EAPP: variants seen among roughly 807,000 people sequenced by gnomAD.
EAPP encodes the protein E2F associated phosphoprotein, also known as E2F-associated phosphoprotein.
A neutral mutation model predicts 34.3 loss-of-function variants in EAPP; 38 were observed. The observed-to-expected ratio is 1.11, with a 90% CI of 0.85 to 1.45. The LOEUF (loss-of-function observed/expected upper bound fraction) is 1.45. EAPP is among the 40% of genes most tolerant of loss of function. The pLI is 0.00. For missense variants in EAPP, 338 were observed against 343.7 expected (o/e 0.98, Z 0.13); for synonymous variants, 113 against 117.6 (o/e 0.96, Z 0.25).
chr14:34,528,051 T>TG (rs1880152464), intron 4 of EAPP, among the ~76,000 whole-genome samples: 1 of 151,232 alleles, frequency 6.6e-6, no homozygotes, highest in South Asian at 2.1e-4. Flanking sequence ...CTCAATTTTT[T>TG]TTTTTTTTTT....
intron 5 of EAPP, among the ~76,000 whole-genome samples, chr14:34,523,507 G>A (rs1029201319): frequency 6.8e-6 from 1 of 147,056 alleles, no homozygotes; most frequent in African/African-American, 2.5e-5. Flanking sequence ...TTACAGGCGT[G>A]AGCCACCACG....
chr14:34,524,682 T>TGTGTGTGTCC lies in EAPP; in HGVS notation c.581+14_581+15insGGACACACAC. 6.8e-7 allele frequency: 1 copy of TGTGTGTGTCC among 1,460,118 alleles called. No homozygotes were observed. The allele number at this position is 1,460,118 out of a possible 1,614,324, so 90.4% of individuals were successfully genotyped here. Reference sequence around the variant, plus strand: ...ATGTGTGTGTGTGTGTGTGTGTGTGTCCTTCATCCATTACCTTTGGCAATC... The same window carrying TGTGTGTGTCC: ...ATGTGTGTGTGTGTGTGTGTGTGTGTGTGTGTGTCCCCTTCATCCATTACCTTTGGCAATC... On this transcript the variant is annotated intron_variant, in intron 5 of 5. Transcript: ENST00000250454.
chr14:34,522,406 A>G (rs1020723390), intron 5 of EAPP, among the ~76,000 whole-genome samples: 10 of 152,116 alleles, frequency 6.6e-5, no homozygotes, highest in African/African-American at 2.2e-4. Flanking sequence ...GTGATATGTG[A>G]TATGTGATAA....
At chr14:34,529,638 G>A (rs1594666045) in intron 3 of EAPP, among the ~76,000 whole-genome samples, 163 bp from the exon 4 acceptor site, 2 of 152,296 alleles carry the variant, frequency 1.3e-5, no homozygotes, top group Middle Eastern at 3.4e-3. Context: ...CTAGCACTTT[G>A]GGAGGCCAAG....
At chr14:34,517,558 G>T (rs1879779753) in intron 5 of EAPP, among the ~76,000 whole-genome samples, 2 of 151,586 alleles carry the variant, frequency 1.3e-5, no homozygotes, top group Admixed American at 1.3e-4. Flanking sequence ...CTGATTCCTT[G>T]TATTTCTGTG....
Position 34,524,683 on chromosome 14 carries a change from C to A in EAPP, c.581+14G>T. On this transcript the variant is annotated intron_variant, in intron 5 of 5. Transcript: ENST00000250454. ...TGTGTGTGTGTGTGTGTGTGTGTGT[C>A]CTTCATCCATTACCTTTGGCAATCA... The A allele has an allele frequency of 1.7e-6, 1 of 602,722 alleles. No individual in the cohort carries two copies. The highest frequency in any genetic ancestry group is 2.7e-6 in the Non-Finnish European group (1 of 370,354). The allele number at this position is 602,722 out of a possible 1,614,324, so 37.3% of individuals were successfully genotyped here.
chr14:34,517,691 C>T (rs1879783754), intron 5 of EAPP, among the ~76,000 whole-genome samples: 1 of 151,824 alleles, frequency 6.6e-6, no homozygotes, highest in Admixed American at 6.6e-5. Context: ...AATCTTCTGG[C>T]TTGTTTGTTT....
At chr14:34,524,080 A>C (rs1050681342) in intron 5 of EAPP, among the ~76,000 whole-genome samples, 6 of 151,912 alleles carry the variant, frequency 3.9e-5, no homozygotes, top group Non-Finnish European at 8.8e-5. Context: ...ACATGGTGTG[A>C]CCCTGTCTCT....
chr14:34,537,632 T>C (rs534595025), intron 1 of EAPP, among the ~76,000 whole-genome samples: 2 of 152,356 alleles, frequency 1.3e-5, no homozygotes, highest in South Asian at 4.1e-4. Flanking sequence ...AAAGAGCAGA[T>C]GTATTTACTG....
chr14:34,530,075 C>G (rs568479652), intron 3 of EAPP, among the ~76,000 whole-genome samples: 2 of 151,850 alleles, frequency 1.3e-5, no homozygotes, highest in African/African-American at 4.8e-5. Flanking sequence ...TGGCAGGCAC[C>G]TACAATCCCA....
rs1276096966 is a variant in EAPP at position 34,531,859 on chromosome 14, A to C, written c.352+1585T>G. 3.4e-5 allele frequency among the ~76,000 whole-genome samples: 5 copies of C among 149,206 alleles called. No individual in the cohort carries two copies. The Admixed American group carries it at 3.4e-4, about 10-fold the overall frequency. On this transcript the variant is annotated intron_variant, in intron 3 of 5. Coordinates refer to ENST00000250454, the MANE Select transcript of EAPP (RefSeq NM_018453.4). ...TGGGAGGCCGAGGTGGGTGGATCAC[A>C]AGGTCAGGAGATCAAGACCATCCTG...
intron 4 of EAPP, among the ~76,000 whole-genome samples, chr14:34,528,045 A>ATTT (rs33982261): frequency 0.33 from 47,324 of 142,220 alleles, 8,426 homozygotes; most frequent in Non-Finnish European, 0.39. Context: ...CCTCATCTCA[A>ATTT]TTTTTTTTTT....
intron 5 of EAPP, among the ~76,000 whole-genome samples, chr14:34,520,047 G>A (rs557790507): frequency 4.6e-5 from 7 of 151,438 alleles, no homozygotes; most frequent in South Asian, 4.2e-4. Flanking sequence ...CACGACTTCC[G>A]GCTAATTTTT....
intron 4 of EAPP, 42 bp from the exon 5 acceptor site, chr14:34,524,849 C>A: frequency 6.6e-7 from 1 of 1,508,290 alleles, no homozygotes; most frequent in Non-Finnish European, 9.2e-7. Context: ...CATATTAAAA[C>A]CAGATCTTGG....
chr14:34,536,368 G>T, intron 1 of EAPP, 93 bp from the exon 2 acceptor site: 1 of 911,240 alleles, frequency 1.1e-6, no homozygotes, highest in Non-Finnish European at 1.6e-6. Flanking sequence ...ACAATTTTAA[G>T]TATTACATGG....
intron 1 of EAPP, among the ~76,000 whole-genome samples, chr14:34,539,068 A>C (rs987167648): frequency 6.6e-6 from 1 of 152,226 alleles, no homozygotes; most frequent in African/African-American, 2.4e-5. Flanking sequence ...AAAAAATAAA[A>C]ATAAAAAAGG....
At chr14:34,528,226 G>T (rs1017471459) in intron 4 of EAPP, among the ~76,000 whole-genome samples, 2 of 151,728 alleles carry the variant, frequency 1.3e-5, no homozygotes, top group African/African-American at 4.8e-5. Flanking sequence ...AGTAGAGATG[G>T]GGTTTCGCCA....
chr14:34,516,369 C>A lies in EAPP; in HGVS notation c.799G>T (p.Ala267Ser), dbSNP rs1230602375. ...VMCTECSTEV[A>S]VYDKDEVFHF... ...AAGACTTCATCCTTGTCGTAGACTGCCACTTCAGTGGAACATTCAGTGCAC... is the reference window on the plus strand; with the variant it reads ...AAGACTTCATCCTTGTCGTAGACTGACACTTCAGTGGAACATTCAGTGCAC... The change falls in exon 6 of 6, where the codon GCA becomes TCA. Residue 267 changes from alanine (A) to serine (S), a missense_variant. Ala to Ser is a moderately conservative substitution (Grantham distance 99, BLOSUM62 1). Coordinates refer to ENST00000250454, the MANE Select transcript of EAPP (RefSeq NM_018453.4). The A allele has an allele frequency of 1.2e-6, 2 of 1,613,920 alleles. No individual in the cohort carries two copies. Among genetic ancestry groups the A allele is most frequent in the Admixed American group, 1.7e-5 (1 of 59,962 alleles).
intron 5 of EAPP, among the ~76,000 whole-genome samples, chr14:34,520,533 A>C (rs1879885294): frequency 6.7e-6 from 1 of 150,244 alleles, no homozygotes. Context: ...ACAGAGTCTC[A>C]CTCTGTCCCC....
Sources: allele counts gnomAD v4.1 joint callset (sites outside exome capture counted in the v4.1 genomes callset), GRCh38; gene constraint gnomAD v4.1.1; transcripts MANE v1.5; gene names NCBI Gene and HGNC (gene_info 2026-07-23, HGNC 2026-07-21).